The following KCTD16 variants were observed in gnomAD, a reference collection of about 807,000 sequenced individuals.
KCTD16 encodes BTB/POZ domain-containing protein KCTD16.
KCTD16 carries 13 observed loss-of-function variants against 33.2 expected under a neutral mutation model. The observed-to-expected ratio is 0.39, with a 90% CI of 0.25 to 0.62. The LOEUF is 0.62. Ranked by LOEUF, KCTD16 falls within the 20% of genes least tolerant of loss-of-function variation. KCTD16 has a pLI of 0.50. For synonymous variants in KCTD16, 197 were observed against 195.3 expected, an observed-to-expected ratio of 1.01 and a Z score of -0.07; for missense variants, 441 against 525.1, an observed-to-expected ratio of 0.84 and a Z score of 1.57.
intron 3 of KCTD16, among the ~76,000 whole-genome samples, chr5:144,424,368 C>A (rs1305242658): frequency 1.3e-5 from 2 of 152,148 alleles, no homozygotes; most frequent in African/African-American, 4.8e-5. Context: ...GATATCCCTG[C>A]ACAGTCATGT....
Position 144,370,186 on chromosome 5 carries a change from G to A in KCTD16, c.833-103474G>A, listed in dbSNP as rs543375442. On this transcript the variant is annotated intron_variant, in intron 3 of 3. Coordinates refer to ENST00000512467, the MANE Select transcript of KCTD16 (RefSeq NM_020768.4). ...AGTAGAGAGAGGATCCTGATCCCCT[G>A]AGGAATAAAATGAGTACCAGTAGCT... 2.8e-4 allele frequency among the ~76,000 whole-genome samples: 43 copies of A among 152,196 alleles called. 1 individual carries two copies. The South Asian group carries it at 8.5e-3, about 30-fold the overall frequency.
chr5:144,213,198 CATATT>C (rs200511310), intron 3 of KCTD16, among the ~76,000 whole-genome samples: 2,492 of 152,086 alleles, frequency 0.016, 65 homozygotes, highest in African/African-American at 0.057. Context: ...ATGAAATCTA[CATATT>C]ATATTATATT....
intron 3 of KCTD16, among the ~76,000 whole-genome samples, chr5:144,260,685 C>A (rs1319249233): frequency 6.6e-6 from 1 of 152,090 alleles, no homozygotes; most frequent in Non-Finnish European, 1.5e-5. Context: ...GTCATTTGGG[C>A]AGAATCGCAA....
At chr5:144,282,876 C>T (rs1755644353) in intron 3 of KCTD16, among the ~76,000 whole-genome samples, 2 of 152,070 alleles carry the variant, frequency 1.3e-5, no homozygotes, top group Non-Finnish European at 2.9e-5. Flanking sequence ...CTCAGATTAT[C>T]TAAAAATCTG....
At chr5:144,299,125 TA>T (rs1561558598) in intron 3 of KCTD16, among the ~76,000 whole-genome samples, 6 of 24,148 alleles carry the variant, frequency 2.5e-4, no homozygotes, top group African/African-American at 4.1e-4. Flanking sequence ...TATATATATA[TA>T]TATATATATA....
intron 3 of KCTD16, among the ~76,000 whole-genome samples, chr5:144,464,869 T>C (rs185573456): frequency 1.3e-5 from 2 of 152,256 alleles, no homozygotes; most frequent in East Asian, 3.9e-4. Flanking sequence ...CCAAGTACTG[T>C]GATAAACTAA....
intron 3 of KCTD16, among the ~76,000 whole-genome samples, chr5:144,306,747 A>G (rs980125164): frequency 6.6e-6 from 1 of 152,224 alleles, no homozygotes; most frequent in Non-Finnish European, 1.5e-5. Context: ...TGCTAACTCT[A>G]CCACCCCTCA....
chr5:144,407,201 G>GT (rs60786617), intron 3 of KCTD16, among the ~76,000 whole-genome samples: 97,352 of 142,480 alleles, frequency 0.68, 32,966 homozygotes, highest in South Asian at 0.8. Context: ...AAAAATTCCT[G>GT]TTTTTTTTTT....
At chr5:144,473,445 C>G (rs777027615) in intron 3 of KCTD16, among the ~76,000 whole-genome samples, 1 of 152,112 alleles carries the variant, frequency 6.6e-6, no homozygotes, top group Non-Finnish European at 1.5e-5. Flanking sequence ...TATATTTCCT[C>G]TTATATAGCA....
chr5:144,360,475 A>C (rs938609714), intron 3 of KCTD16, among the ~76,000 whole-genome samples: 29 of 150,360 alleles, frequency 1.9e-4, no homozygotes, highest in African/African-American at 6.9e-4. Context: ...TCTGTTGCCC[A>C]GGCTGGAGTG....
intron 3 of KCTD16, among the ~76,000 whole-genome samples, chr5:144,209,264 T>G (rs1753290572): frequency 6.6e-6 from 1 of 152,172 alleles, no homozygotes; most frequent in Non-Finnish European, 1.5e-5. Context: ...ACACTGAAAT[T>G]TATTTGTCTA....
intron 3 of KCTD16, among the ~76,000 whole-genome samples, chr5:144,297,343 A>G (rs185682808): frequency 6.6e-6 from 1 of 152,354 alleles, no homozygotes; most frequent in African/African-American, 2.4e-5. Context: ...TTAAGCAATG[A>G]AAGATTTATT....
intron 3 of KCTD16, among the ~76,000 whole-genome samples, chr5:144,215,065 T>C (rs748905735): frequency 6.6e-6 from 1 of 152,216 alleles, no homozygotes; most frequent in African/African-American, 2.4e-5. Flanking sequence ...GTTTGATTGA[T>C]GCTTTAAATA....
intron 3 of KCTD16, among the ~76,000 whole-genome samples, chr5:144,208,091 AT>A (rs1370524725): frequency 6.6e-6 from 1 of 152,164 alleles, no homozygotes; most frequent in Non-Finnish European, 1.5e-5. Context: ...CCAAGTCTAA[AT>A]TTTGCTTTTA....
chr5:144,330,271 C>T (rs1225693110), intron 3 of KCTD16, among the ~76,000 whole-genome samples: 2 of 151,706 alleles, frequency 1.3e-5, no homozygotes. Flanking sequence ...AAATTAGCCA[C>T]GCGAGTTGGT....
At chr5:144,454,116 T>TC (rs1754008895) in intron 3 of KCTD16, among the ~76,000 whole-genome samples, 1 of 152,170 alleles carries the variant, frequency 6.6e-6, no homozygotes, top group African/African-American at 2.4e-5. Flanking sequence ...GAATCAACAG[T>TC]CTTTAAGCAC....
chr5:144,408,003 T>G (rs138867537), intron 3 of KCTD16, among the ~76,000 whole-genome samples: 1,986 of 152,338 alleles, frequency 0.013, 53 homozygotes, highest in African/African-American at 0.046. Context: ...GCAATAAACA[T>G]ACGTGTGCAT....
intron 2 of KCTD16, among the ~76,000 whole-genome samples, chr5:144,178,449 CAT>C (rs1378215152): frequency 6.6e-6 from 1 of 152,100 alleles, no homozygotes; most frequent in Admixed American, 6.5e-5. Context: ...TAAACAGAGA[CAT>C]GTGAAATCAA....
chr5:144,401,736 T>C (rs1187055391), intron 3 of KCTD16, among the ~76,000 whole-genome samples: 1 of 152,246 alleles, frequency 6.6e-6, no homozygotes, highest in African/African-American at 2.4e-5. Context: ...AAATAATTTC[T>C]AGGCAGAATA....
Sources: gnomAD v4.1 joint callset for allele counts (sites outside exome capture counted in the v4.1 genomes callset) on GRCh38, gnomAD v4.1.1 for gene constraint, MANE v1.5 for transcripts, NCBI Gene and HGNC (gene_info 2026-07-23, HGNC 2026-07-21) for gene names.